Variants in MARCHF6 observed in about 807,000 individuals in gnomAD.
MARCHF6 encodes the protein E3 ubiquitin-protein ligase MARCHF6.
Under a neutral mutation model 133.7 loss-of-function variants are expected in MARCHF6, and 31 were observed. The observed-to-expected ratio is 0.23, with a 90% CI of 0.17 to 0.31. The LOEUF (loss-of-function observed/expected upper bound fraction) is 0.31. MARCHF6 is among the 10% of genes least tolerant of loss of function. The pLI is 1.00. For missense variants in MARCHF6, 723 were observed against 1,121.6 expected (o/e 0.64, Z 5.08); for synonymous variants, 395 against 402.5 (o/e 0.98, Z 0.22).
At position 10,436,496 on chromosome 5, in the gene MARCHF6, CTAT is replaced by C. The variant is rs1740660554; in HGVS notation, c.*2817_*2819del. 1 of 151,796 alleles carries C rather than the reference CTAT, an allele frequency of 6.6e-6. No homozygotes were observed. Among genetic ancestry groups the C allele is most frequent in the Non-Finnish European group, 1.5e-5 (1 of 67,970 alleles). 9.4% of individuals were successfully genotyped at this position (151,796 alleles called of 1,614,324 possible). A position where few individuals can be genotyped will look rare whatever the true frequency, so the allele number is the denominator to read the frequency against. On this transcript the variant is annotated 3_prime_UTR_variant, in exon 26 of 26. Transcript: ENST00000274140. Reference sequence around the variant, plus strand: ...CACATAAATTTTTTTTTAAATTATACTATTATTTTGCTTAATTTTATATTGGGT... The same window carrying C: ...CACATAAATTTTTTTTTAAATTATACTATTTTGCTTAATTTTATATTGGGT...
At chr5:10,404,127 A>G (rs1308442102) in intron 15 of MARCHF6, among the ~76,000 whole-genome samples, 2 of 151,116 alleles carry the variant, frequency 1.3e-5, no homozygotes, top group Non-Finnish European at 3.0e-5. Flanking sequence ...CCAGGCTGGA[A>G]TGTAGTGCCA....
chr5:10,429,972 T>G lies in MARCHF6; in HGVS notation c.2586T>G (p.Ile862Met). Reference protein sequence around the residue: ...FLLMVVVLMAILSFQVRQFKR... With the variant: ...FLLMVVVLMAMLSFQVRQFKR... ...TGATGGTCGTGGTATTGATGGCAATTTTGTCCTTCCAAGTCCGCCAGTTTA... is the reference window on the plus strand; with the variant it reads ...TGATGGTCGTGGTATTGATGGCAATGTTGTCCTTCCAAGTCCGCCAGTTTA... The change falls in exon 25 of 26, where the codon ATT (isoleucine) becomes ATG (methionine). Residue 862 changes from isoleucine to methionine, a missense_variant. Around this residue, in one of 4 missense-constraint regions of MARCHF6, gnomAD observed 492 missense variants for 699.5 expected, o/e 0.70. Coordinates refer to ENST00000274140, the MANE Select transcript of MARCHF6 (RefSeq NM_005885.4). 3.1e-6 allele frequency: 5 copies of G among 1,613,800 alleles called. No homozygotes were observed. Among genetic ancestry groups the G allele is most frequent in the Non-Finnish European group, 4.2e-6 (5 of 1,179,708 alleles).
intron 23 of MARCHF6, among the ~76,000 whole-genome samples, chr5:10,424,673 T>C (rs1739993614): frequency 6.6e-6 from 1 of 152,218 alleles, no homozygotes; most frequent in African/African-American, 2.4e-5. Context: ...GCTTTTTTTC[T>C]GGTGAAGGTT....
intron 25 of MARCHF6, among the ~76,000 whole-genome samples, chr5:10,432,045 A>G (rs1440409233): frequency 6.6e-6 from 1 of 152,250 alleles, no homozygotes; most frequent in African/African-American, 2.4e-5. Context: ...CAGTGACATT[A>G]TGGATAAAGA....
At chr5:10,379,616 A>G (rs1291070708) in intron 3 of MARCHF6, among the ~76,000 whole-genome samples, 1 of 152,038 alleles carries the variant, frequency 6.6e-6, no homozygotes, top group Non-Finnish European at 1.5e-5. Context: ...GCCCACCACC[A>G]CACCTGGCTA....
At chr5:10,422,328 C>A (rs1017752094) in intron 22 of MARCHF6, among the ~76,000 whole-genome samples, 2 of 152,036 alleles carry the variant, frequency 1.3e-5, no homozygotes, top group Admixed American at 6.6e-5. Flanking sequence ...AGCATTGATA[C>A]AAAAACAGGA....
At chr5:10,415,728 G>T in intron 21 of MARCHF6, 59 bp downstream of exon 21, 3 of 1,419,272 alleles carry the variant, frequency 2.1e-6, no homozygotes, top group South Asian at 3.2e-5. Context: ...TATTTTTCCA[G>T]TCATCTTAAA....
chr5:10,403,613 T>A, intron 15 of MARCHF6, 72 bp downstream of exon 15: 1 of 1,370,998 alleles, frequency 7.3e-7, no homozygotes, highest in Admixed American at 2.3e-5. Context: ...CAGTCATGTC[T>A]CAAAGGCTAT....
At chr5:10,423,883 C>A in intron 23 of MARCHF6, 59 bp downstream of exon 23, 1 of 1,266,626 alleles carries the variant, frequency 7.9e-7, no homozygotes, top group Non-Finnish European at 1.1e-6. Flanking sequence ...TTATGTTTGG[C>A]AGCTATAACT....
intron 3 of MARCHF6, among the ~76,000 whole-genome samples, chr5:10,379,601 C>T (rs935715007): frequency 2.6e-5 from 4 of 152,076 alleles, no homozygotes; most frequent in African/African-American, 9.7e-5. Context: ...GCTGGGACTA[C>T]AGGTGCCCAC....
chr5:10,397,551 T>G (rs1036289713), intron 10 of MARCHF6, among the ~76,000 whole-genome samples: 1 of 152,140 alleles, frequency 6.6e-6, no homozygotes, highest in African/African-American at 2.4e-5. Context: ...GTTACCTACC[T>G]ATCTCTCCCT....
intron 19 of MARCHF6, among the ~76,000 whole-genome samples, chr5:10,412,685 A>G (rs904526210): frequency 6.6e-6 from 1 of 151,992 alleles, no homozygotes; most frequent in Non-Finnish European, 1.5e-5. Context: ...CGATCCTCCT[A>G]CCTACTCAGC....
intron 24 of MARCHF6, among the ~76,000 whole-genome samples, chr5:10,427,337 A>G (rs969562855): frequency 6.6e-6 from 1 of 152,226 alleles, no homozygotes; most frequent in Non-Finnish European, 1.5e-5. Context: ...CTTTCAAAAG[A>G]ATGAATCTCA....
chr5:10,371,489 T>A (rs1409869198), intron 1 of MARCHF6, among the ~76,000 whole-genome samples: 1 of 152,184 alleles, frequency 6.6e-6, no homozygotes, highest in Non-Finnish European at 1.5e-5. Context: ...GTCACAGGGA[T>A]GGCAGCAGGC....
chr5:10,362,715 T>A (rs770065088), intron 1 of MARCHF6, among the ~76,000 whole-genome samples: 10 of 152,228 alleles, frequency 6.6e-5, no homozygotes, highest in African/African-American at 1.2e-4. Context: ...TGAAAAGGGA[T>A]GAATATTTTC....
intron 1 of MARCHF6, among the ~76,000 whole-genome samples, chr5:10,368,762 G>A (rs1029654711): frequency 1.3e-5 from 2 of 151,986 alleles, no homozygotes; most frequent in African/African-American, 4.8e-5. Context: ...TAGTAGAGAT[G>A]GTGTTTCACC....
intron 23 of MARCHF6, among the ~76,000 whole-genome samples, chr5:10,424,983 A>C (rs1420836043): frequency 6.6e-6 from 1 of 152,226 alleles, no homozygotes; most frequent in Non-Finnish European, 1.5e-5. Flanking sequence ...TTTTGCTGCT[A>C]CTTTACGCTT....
intron 20 of MARCHF6, 97 bp downstream of exon 20, chr5:10,414,599 G>T: frequency 2.0e-6 from 2 of 981,760 alleles, no homozygotes; most frequent in South Asian, 1.5e-5. Context: ...CTGGAGGGTA[G>T]TAGTATGATC....
At chr5:10,370,272 A>C (rs1736392359) in intron 1 of MARCHF6, among the ~76,000 whole-genome samples, 2 of 151,176 alleles carry the variant, frequency 1.3e-5, no homozygotes, top group East Asian at 1.9e-4. Context: ...TGCTAATTTT[A>C]AAATTTTATT....
Sources: gnomAD v4.1 joint callset for allele counts (sites outside exome capture counted in the v4.1 genomes callset) on GRCh38, gnomAD v4.1.1 for gene constraint, gnomAD v4.1.1 regional missense constraint, MANE v1.5 for transcripts, NCBI Gene and HGNC (gene_info 2026-07-23, HGNC 2026-07-21) for gene names.